Variants in PLXNA4 observed in about 807,000 individuals in gnomAD.
PLXNA4 encodes the protein plexin-A4.
PLXNA4 carries 44 observed loss-of-function variants against 191.8 expected under a neutral mutation model. That is an observed-to-expected ratio of 0.23 (90% confidence interval 0.18 to 0.29). The LOEUF is 0.29. PLXNA4 is among the 10% of genes least tolerant of loss of function. The probability of loss-of-function intolerance (pLI) is 1.00; values close to 1 mark genes in which losing one functional copy is unlikely to be tolerated. For synonymous variants in PLXNA4, 1,082 were observed against 1,009.5 expected, an observed-to-expected ratio of 1.07 and a Z score of -1.36; for missense variants, 1,800 against 2,488.8, an observed-to-expected ratio of 0.72 and a Z score of 5.89.
chr7:132,532,266 T>G (rs1213087782), intron 1 of PLXNA4, among the ~76,000 whole-genome samples: 1 of 152,180 alleles, frequency 6.6e-6, no homozygotes, highest in Non-Finnish European at 1.5e-5. Context: ...GAGCCTAGTT[T>G]GGGGGTCAGG....
At chr7:132,233,844 T>C (rs1421701162) in intron 5 of PLXNA4, among the ~76,000 whole-genome samples, 1 of 152,242 alleles carries the variant, frequency 6.6e-6, no homozygotes, top group Non-Finnish European at 1.5e-5. Flanking sequence ...ATGCTTTGAA[T>C]GAACAATCTA....
chr7:132,159,552 C>T lies in PLXNA4; in HGVS notation c.4581G>A (p.Gln1527=), dbSNP rs1454102005. 2 of 1,614,034 alleles carry T rather than the reference C, an allele frequency of 1.2e-6. No individual in the cohort carries two copies. The highest frequency in any genetic ancestry group is 1.7e-5 in the Admixed American group (1 of 60,000). ...VKILNCDTIT[Q]VKEKILDAIF... ...TGGCATCCAGAATCTTCTCCTTGAC[C>T]TGAGTGATGGTGTCACAGTTGAGGA... is the stretch of plus-strand genomic sequence containing the variant. The change falls in exon 25 of 32, where the codon CAG becomes CAA. Residue 1527 remains glutamine (Q), a synonymous_variant. Transcript: ENST00000321063.
intron 3 of PLXNA4, among the ~76,000 whole-genome samples, chr7:132,342,446 C>T (rs1167176268): frequency 1.3e-5 from 2 of 151,856 alleles, no homozygotes; most frequent in African/African-American, 2.4e-5. Flanking sequence ...TTAAGCTGGG[C>T]TTAAAATATC....
In PLXNA4 at chr7:132,576,132, C is replaced by T. The variant is rs917152373; in HGVS notation, c.-87+290G>A. Among the ~76,000 whole-genome samples, 3 of 152,164 alleles carry T rather than the reference C, an allele frequency of 2.0e-5. No individual in the cohort carries two copies. The highest frequency in any genetic ancestry group is 2.9e-5 in the Non-Finnish European group (2 of 68,034). The stretch of plus-strand genomic sequence containing the variant: ...GCCGGGAATACACAGAATCCCACCC[C>T]GAAAGTCCCGGGAAAGAGAAGTCTG... On this transcript the variant is annotated intron_variant, in intron 1 of 31. Coordinates refer to ENST00000321063, the MANE Select transcript of PLXNA4 (RefSeq NM_020911.2). This position sits in a 1 kb window ranked among gnomAD's most constrained non-coding sequence, Gnocchi z 5.8.
intron 1 of PLXNA4, among the ~76,000 whole-genome samples, chr7:132,510,588 C>G (rs762146778): frequency 3.3e-5 from 5 of 152,132 alleles, no homozygotes; most frequent in Non-Finnish European, 7.3e-5. Flanking sequence ...CTGATACGCA[C>G]GACAAAAAGT....
At chr7:132,518,874 T>C (rs1426183334) in intron 1 of PLXNA4, among the ~76,000 whole-genome samples, 1 of 152,172 alleles carries the variant, frequency 6.6e-6, no homozygotes, top group Non-Finnish European at 1.5e-5. Flanking sequence ...GTCCTTGGCC[T>C]GGAGGGTGTT....
intron 27 of PLXNA4, 128 bp downstream of exon 27, chr7:132,147,772 C>T (rs375362542): frequency 3.8e-5 from 49 of 1,280,798 alleles, no homozygotes; most frequent in East Asian, 2.0e-4. Flanking sequence ...CTCTCTTCCC[C>T]GATGGTCAGC....
intron 4 of PLXNA4, among the ~76,000 whole-genome samples, chr7:132,261,239 G>A (rs4728253): frequency 0.55 from 84,060 of 152,008 alleles, 23,998 homozygotes; most frequent in South Asian, 0.69. Flanking sequence ...GACCCAATGT[G>A]GAGAGCCAAG....
intron 30 of PLXNA4, among the ~76,000 whole-genome samples, 158 bp from the exon 31 acceptor site, chr7:132,133,357 T>C (rs998817545): frequency 1.3e-5 from 2 of 152,136 alleles, no homozygotes; most frequent in African/African-American, 4.8e-5. Context: ...GTGGTCTCTC[T>C]CTCATCTGGG....
chr7:132,561,763 T>TATC (rs1801115778), intron 1 of PLXNA4, among the ~76,000 whole-genome samples: 1 of 64,506 alleles, frequency 1.6e-5, no homozygotes, highest in African/African-American at 6.5e-5. Context: ...TCCTCCTCCT[T>TATC]CTCCTCCTTC....
chr7:132,141,207 C>T (rs138196928), intron 29 of PLXNA4, among the ~76,000 whole-genome samples: 3 of 152,286 alleles, frequency 2.0e-5, no homozygotes, highest in African/African-American at 4.8e-5. Flanking sequence ...ATCTAGTTGG[C>T]AAACTGTAAG....
At chr7:132,286,748 A>C (rs749171581) in intron 4 of PLXNA4, among the ~76,000 whole-genome samples, 17 of 152,194 alleles carry the variant, frequency 1.1e-4, no homozygotes, top group Non-Finnish European at 1.5e-4. Flanking sequence ...GTTGGACTCA[A>C]ATGGATTCAG....
intron 3 of PLXNA4, among the ~76,000 whole-genome samples, chr7:132,487,577 C>G (rs963853949): frequency 6.6e-6 from 1 of 152,202 alleles, no homozygotes; most frequent in South Asian, 2.1e-4. Context: ...TGGACTGACG[C>G]GTGTCAGACA....
chr7:132,380,693 G>A (rs1024128651), intron 3 of PLXNA4, among the ~76,000 whole-genome samples: 1 of 152,192 alleles, frequency 6.6e-6, no homozygotes, highest in Non-Finnish European at 1.5e-5. Flanking sequence ...TTCAGATTGT[G>A]CATGGCAAAG....
chr7:132,422,737 C>T (rs967019805), intron 3 of PLXNA4, among the ~76,000 whole-genome samples: 9 of 152,200 alleles, frequency 5.9e-5, no homozygotes, highest in Non-Finnish European at 1.0e-4. Context: ...TTCCAAGGCC[C>T]AGGCCCTGTT....
chr7:132,386,403 C>T (rs2116967337), intron 3 of PLXNA4, among the ~76,000 whole-genome samples: 1 of 152,360 alleles, frequency 6.6e-6, no homozygotes, highest in South Asian at 2.1e-4. Flanking sequence ...CCTGTTATGA[C>T]TGCACTTGGG....
chr7:132,556,721 C>A (rs995972130), intron 1 of PLXNA4, among the ~76,000 whole-genome samples: 2 of 152,238 alleles, frequency 1.3e-5, no homozygotes, highest in African/African-American at 4.8e-5. Flanking sequence ...TCAAAGGGTT[C>A]CGTCCTTGGC....
intron 4 of PLXNA4, among the ~76,000 whole-genome samples, chr7:132,268,093 G>T (rs1409472058): frequency 6.6e-6 from 1 of 152,200 alleles, no homozygotes; most frequent in African/African-American, 2.4e-5. Flanking sequence ...TAGTGATCAT[G>T]GTACACACCG....
At chr7:132,147,757 C>T (rs1234206717) in intron 27 of PLXNA4, 143 bp downstream of exon 27, 5 of 1,080,900 alleles carry the variant, frequency 4.6e-6, no homozygotes, top group African/African-American at 1.6e-5. Context: ...TCTTCCCCCA[C>T]CTGGCTCTCT....
Sources: allele counts gnomAD v4.1 joint callset (sites outside exome capture counted in the v4.1 genomes callset), GRCh38; gene constraint gnomAD v4.1.1; non-coding constraint Gnocchi (gnomAD v3.1); transcripts MANE v1.5; gene names NCBI Gene and HGNC (gene_info 2026-07-23, HGNC 2026-07-21).